NEGR1: variants seen among roughly 807,000 people sequenced by gnomAD.
The protein encoded by NEGR1 is neuronal growth regulator 1.
NEGR1 carries 10 observed loss-of-function variants against 40.9 expected under a neutral mutation model. That is an observed-to-expected ratio of 0.24 (90% confidence interval 0.15 to 0.42). The LOEUF is 0.42. Among genes scored for constraint, NEGR1 ranks in the 10% least tolerant of loss-of-function variants. The pLI is 1.00. For missense variants in NEGR1, 352 were observed against 438.9 expected (o/e 0.80, Z 1.77); for synonymous variants, 185 against 166.8 (o/e 1.11, Z -0.84).
chr1:71,734,556 ATCC>A (rs1274570511), intron 3 of NEGR1, among the ~76,000 whole-genome samples: 1 of 152,066 alleles, frequency 6.6e-6, no homozygotes, highest in African/African-American at 2.4e-5. Context: ...ACAATGGCTT[ATCC>A]CTTTTTGTTT....
chr1:72,197,254 T>A (rs1312696692), intron 1 of NEGR1, among the ~76,000 whole-genome samples: 1 of 152,006 alleles, frequency 6.6e-6, no homozygotes, highest in Non-Finnish European at 1.5e-5. Flanking sequence ...AATCATATTC[T>A]TTAGTATTTA....
chr1:72,193,457 C>T (rs903320678), intron 1 of NEGR1, among the ~76,000 whole-genome samples: 2 of 151,546 alleles, frequency 1.3e-5, no homozygotes, highest in African/African-American at 4.8e-5. Flanking sequence ...AATTTGTGGT[C>T]GTGCATTATA....
At chr1:71,809,091 A>T (rs1007422453) in intron 2 of NEGR1, among the ~76,000 whole-genome samples, 1 of 152,220 alleles carries the variant, frequency 6.6e-6, no homozygotes, top group Non-Finnish European at 1.5e-5. Context: ...TGTGAAAAGC[A>T]GCACGGGGGG....
At chr1:71,648,406 G>T (rs755314296) in intron 4 of NEGR1, among the ~76,000 whole-genome samples, 1 of 151,886 alleles carries the variant, frequency 6.6e-6, no homozygotes, top group Non-Finnish European at 1.5e-5. Context: ...ATGTTTATTT[G>T]GTCCTGTTCT....
intron 2 of NEGR1, among the ~76,000 whole-genome samples, chr1:71,903,936 C>T (rs910566512): frequency 2.2e-4 from 34 of 151,670 alleles, no homozygotes; most frequent in Admixed American, 7.2e-4. Context: ...GATTTTTGGC[C>T]TTCTAATTTG....
intron 1 of NEGR1, among the ~76,000 whole-genome samples, chr1:72,154,268 T>C (rs1468871884): frequency 6.6e-6 from 1 of 151,884 alleles, no homozygotes; most frequent in Non-Finnish European, 1.5e-5. Context: ...ATGTCAGGAA[T>C]GTATTTCAAC....
intron 1 of NEGR1, among the ~76,000 whole-genome samples, chr1:72,066,072 C>T (rs1397941392): frequency 6.6e-6 from 1 of 152,106 alleles, no homozygotes; most frequent in African/African-American, 2.4e-5. Flanking sequence ...GAAATATAGA[C>T]TCAATAATAA....
At chr1:71,420,857 T>A (rs1460881260) in intron 6 of NEGR1, among the ~76,000 whole-genome samples, 1 of 152,050 alleles carries the variant, frequency 6.6e-6, no homozygotes, top group East Asian at 1.9e-4. Context: ...TGTTTCTAAA[T>A]ATAATATGAT....
intron 2 of NEGR1, among the ~76,000 whole-genome samples, chr1:71,784,702 G>T (rs1414759658): frequency 2.6e-5 from 4 of 152,108 alleles, no homozygotes; most frequent in Non-Finnish European, 5.9e-5. Context: ...ATCTTCTCTG[G>T]ACTCTCTAAT....
chr1:72,190,900 A>C (rs979872858), intron 1 of NEGR1, among the ~76,000 whole-genome samples: 3 of 151,626 alleles, frequency 2.0e-5, no homozygotes, highest in African/African-American at 7.2e-5. Flanking sequence ...AAAGAACTTC[A>C]ACCCATTAAC....
At chr1:71,708,798 T>C (rs1653987683) in intron 3 of NEGR1, among the ~76,000 whole-genome samples, 1 of 152,146 alleles carries the variant, frequency 6.6e-6, no homozygotes, top group Admixed American at 6.5e-5. Context: ...CATCCATGTG[T>C]TCTCACAATT....
intron 2 of NEGR1, among the ~76,000 whole-genome samples, chr1:71,922,441 C>G (rs918134301): frequency 2.0e-5 from 3 of 152,184 alleles, no homozygotes; most frequent in African/African-American, 7.2e-5. Context: ...TGCATAATAT[C>G]TTTCCGTTAA....
At chr1:71,930,356 T>C (rs1015074610) in intron 2 of NEGR1, among the ~76,000 whole-genome samples, 1 of 152,206 alleles carries the variant, frequency 6.6e-6, no homozygotes, top group African/African-American at 2.4e-5. Flanking sequence ...CTATGAACTA[T>C]GAAATGAATA....
At chr1:71,994,400 C>T (rs956466971) in intron 1 of NEGR1, among the ~76,000 whole-genome samples, 4 of 151,780 alleles carry the variant, frequency 2.6e-5, no homozygotes, top group Admixed American at 1.3e-4. Context: ...TGGTGGTGGG[C>T]GCCTGTAGTA....
intron 1 of NEGR1, among the ~76,000 whole-genome samples, chr1:71,998,390 A>G (rs1024799293): frequency 5.9e-5 from 9 of 152,080 alleles, no homozygotes; most frequent in African/African-American, 1.9e-4. Flanking sequence ...TCCTGTATAT[A>G]CTGCTCACAA....
chr1:71,726,347 T>C (rs758647615), intron 3 of NEGR1, among the ~76,000 whole-genome samples: 4 of 152,134 alleles, frequency 2.6e-5, no homozygotes, highest in Non-Finnish European at 5.9e-5. Context: ...TTCTTTGCTC[T>C]GCAGGGTGCC....
chr1:71,597,918 TA>T (rs150564362), intron 5 of NEGR1, among the ~76,000 whole-genome samples: 13 of 149,194 alleles, frequency 8.7e-5, no homozygotes, highest in Admixed American at 3.3e-4. Flanking sequence ...ATCCCAAAAT[TA>T]AAAAAAAAAT....
At chr1:71,527,444 C>CATCA (rs1250064735) in intron 6 of NEGR1, among the ~76,000 whole-genome samples, 2,547 of 143,748 alleles carry the variant, frequency 0.018, 106 homozygotes, top group African/African-American at 0.059. Flanking sequence ...TCCATCCATC[C>CATCA]ATCCATGGGT....
intron 3 of NEGR1, chr1:71,703,504 A>T (rs1318755477): frequency 6.6e-6 from 1 of 151,500 alleles, no homozygotes; most frequent in South Asian, 2.1e-4. Flanking sequence ...AAAAAAAAAA[A>T]GGAAATAAGA....
Sources: allele counts gnomAD v4.1 joint callset (sites outside exome capture counted in the v4.1 genomes callset), GRCh38; gene constraint gnomAD v4.1.1; transcripts MANE v1.5; gene names NCBI Gene and HGNC (gene_info 2026-07-23, HGNC 2026-07-21).